BCL2: variants seen among roughly 807,000 people sequenced by gnomAD.
The protein encoded by BCL2 is apoptosis regulator Bcl-2.
A neutral mutation model predicts 14.2 loss-of-function variants in BCL2; 1 was observed. The ratio of observed to expected loss-of-function variants is 0.07; its 90% CI spans 0.02 to 0.33. The LOEUF is 0.33. Ranked by LOEUF, BCL2 falls within the 10% of genes least tolerant of loss-of-function variation. The probability of loss-of-function intolerance (pLI) is 0.99; values close to 1 mark genes in which losing one functional copy is unlikely to be tolerated. For synonymous variants in BCL2, 151 were observed against 137.2 expected (o/e 1.10, Z -0.70); for missense variants, 247 against 305.9 (o/e 0.81, Z 1.44).
At chr18:63,259,318 C>T (rs781529200) in intron 2 of BCL2, among the ~76,000 whole-genome samples, 5 of 152,344 alleles carry the variant, frequency 3.3e-5, no homozygotes, top group Admixed American at 2.6e-4. Context: ...AGCATGGCCC[C>T]GAGAGAAAAG....
chr18:63,196,859 C>T (rs565867141), intron 2 of BCL2, among the ~76,000 whole-genome samples: 2 of 152,258 alleles, frequency 1.3e-5, no homozygotes, highest in Non-Finnish European at 2.9e-5. Context: ...TTTTTCTCAG[C>T]TTGGATTTCC....
In BCL2 at chr18:63,126,114, T is replaced by C; in HGVS notation, c.*2511A>G. On this transcript the variant is annotated 3_prime_UTR_variant, in exon 3 of 3. Coordinates refer to ENST00000333681, the MANE Select transcript of BCL2 (RefSeq NM_000633.3). ...TAGCAGCACAGGATTGGATATTCCA[T>C]ATTCATCACTTTGACAATGTAAACC... The C allele has an allele frequency of 9.3e-6, 2 of 215,310 alleles. No homozygotes were observed. The highest frequency in any genetic ancestry group is 1.9e-5 in the Non-Finnish European group (2 of 106,462). The allele number at this position is 215,310 out of a possible 1,614,324, so 13.3% of individuals were successfully genotyped here. A position where few individuals can be genotyped will look rare whatever the true frequency, so the allele number is the denominator to read the frequency against.
chr18:63,296,703 G>A (rs911279138), intron 2 of BCL2, among the ~76,000 whole-genome samples: 2 of 152,144 alleles, frequency 1.3e-5, no homozygotes, highest in African/African-American at 4.8e-5. Flanking sequence ...GTATGGTGAG[G>A]CCTTCCCTGC....
chr18:63,252,631 A>C (rs1483583003), intron 2 of BCL2, among the ~76,000 whole-genome samples: 1 of 152,190 alleles, frequency 6.6e-6, no homozygotes, highest in Admixed American at 6.5e-5. Context: ...GCCACCATCC[A>C]TGTAAGATGT....
At position 63,129,951 on chromosome 18, in the gene BCL2, CA is replaced by C. The variant is rs368403387; in HGVS notation, c.586-1193del. Reference sequence around the variant, plus strand: ...TTGTGGATCTCACAAGGCAGGAGATCAGGGGTGTGTCACTGGATGTGCAGGT... The same window carrying C: ...TTGTGGATCTCACAAGGCAGGAGATCGGGGTGTGTCACTGGATGTGCAGGT... On this transcript the variant is annotated intron_variant, in intron 2 of 2. Transcript: ENST00000333681. Among the ~76,000 whole-genome samples, 593 of 152,312 alleles carry C rather than the reference CA, an allele frequency of 3.9e-3. 3 individuals are homozygous for C. The highest frequency in any genetic ancestry group is 0.013 in the African/African-American group (547 of 41,564).
At chr18:63,210,085 C>T (rs942569434) in intron 2 of BCL2, among the ~76,000 whole-genome samples, 4 of 152,148 alleles carry the variant, frequency 2.6e-5, no homozygotes, top group Non-Finnish European at 4.4e-5. Flanking sequence ...AGAAACCATC[C>T]AGCTTGAGGA....
At chr18:63,197,584 T>C (rs1909483214) in intron 2 of BCL2, among the ~76,000 whole-genome samples, 1 of 151,242 alleles carries the variant, frequency 6.6e-6, no homozygotes, top group African/African-American at 2.4e-5. Flanking sequence ...GACTCCCCCA[T>C]GTCCACGTCT....
chr18:63,293,463 T>C (rs1382214897), intron 2 of BCL2, among the ~76,000 whole-genome samples: 3 of 152,230 alleles, frequency 2.0e-5, no homozygotes, highest in Non-Finnish European at 2.9e-5. Context: ...AACAGTTCTC[T>C]ATGAGATATC....
intron 2 of BCL2, among the ~76,000 whole-genome samples, chr18:63,278,234 T>A (rs1912212810): frequency 6.6e-6 from 1 of 152,134 alleles, no homozygotes; most frequent in African/African-American, 2.4e-5. Flanking sequence ...ATAAACTTAC[T>A]CTAAAAGTCA....
At chr18:63,177,617 C>A (rs1009761648) in intron 2 of BCL2, among the ~76,000 whole-genome samples, 3 of 152,240 alleles carry the variant, frequency 2.0e-5, no homozygotes, top group Admixed American at 6.5e-5. Context: ...CTGGCTACTT[C>A]TCCAGCGTGG....
chr18:63,181,327 T>A (rs1236587234), intron 2 of BCL2, among the ~76,000 whole-genome samples: 1 of 152,052 alleles, frequency 6.6e-6, no homozygotes, highest in Non-Finnish European at 1.5e-5. Context: ...CTGAAATCAT[T>A]AGAAAGAGCA....
In BCL2 at chr18:63,125,602, C is replaced by T; in HGVS notation, c.*3023G>A. On this transcript the variant is annotated 3_prime_UTR_variant, in exon 3 of 3. Coordinates refer to ENST00000333681, the MANE Select transcript of BCL2 (RefSeq NM_000633.3). ...TCATTCATAAAGAGCAGTTAAGATG[C>T]AGATGTGAATCCCTCTTCAATACAA... is the stretch of plus-strand genomic sequence containing the variant. 1 of 212,954 alleles carries T rather than the reference C, an allele frequency of 4.7e-6. No individual in the cohort carries two copies. The allele number at this position is 212,954 out of a possible 1,614,324, so 13.2% of individuals were successfully genotyped here.
chr18:63,161,175 C>T (rs1014299839), intron 2 of BCL2, among the ~76,000 whole-genome samples: 1 of 152,182 alleles, frequency 6.6e-6, no homozygotes, highest in Non-Finnish European at 1.5e-5. Context: ...CACACCCTCT[C>T]GTAAGTATTA....
Position 63,318,572 on chromosome 18 carries a change from G to T in BCL2, c.95C>A (p.Ala32Glu). The T allele has an allele frequency of 1.3e-6, 2 of 1,599,436 alleles. No individual in the cohort carries two copies. Among genetic ancestry groups the T allele is most frequent in the Non-Finnish European group, 8.5e-7 (1 of 1,174,076 alleles). Residue 32 changes from alanine to glutamate, a missense_variant, in exon 2 of 3, where the codon GCG becomes GAG. Ala to Glu is a moderately radical substitution (Grantham distance 107). Around this residue, in one of 3 missense-constraint regions of BCL2, gnomAD observed 144 missense variants for 135.3 expected, o/e 1.06. Coordinates refer to ENST00000333681, the MANE Select transcript of BCL2 (RefSeq NM_000633.3). This position sits in a 1 kb window ranked among gnomAD's most constrained non-coding sequence, Gnocchi z 7.4. ...CGGGGGCGCGGCGCCCACATCTCCC[G>T]CATCCCACTCGTAGCCCCTCTGCGA... ...KLSQRGYEWD[A>E]GDVGAAPPGA...
At chr18:63,319,089 T>C in intron 1 of BCL2, 85 bp downstream of exon 1, 1 of 1,055,742 alleles carries the variant, frequency 9.5e-7, no homozygotes, top group East Asian at 4.9e-5. Context: ...GGAAATTAAA[T>C]TTACTCGAAT....
chr18:63,267,157 G>A (rs1352271710), intron 2 of BCL2, among the ~76,000 whole-genome samples: 1 of 152,218 alleles, frequency 6.6e-6, no homozygotes, highest in Non-Finnish European at 1.5e-5. Context: ...GGAAGTGAGA[G>A]CGTGGATCAG....
intron 2 of BCL2, among the ~76,000 whole-genome samples, chr18:63,304,200 T>C (rs1256574620): frequency 6.6e-6 from 1 of 152,238 alleles, no homozygotes; most frequent in Non-Finnish European, 1.5e-5. Context: ...TTCCTCACAA[T>C]GTGGGATTCA....
At chr18:63,194,657 C>CA (rs1386442939) in intron 2 of BCL2, among the ~76,000 whole-genome samples, 4 of 152,128 alleles carry the variant, frequency 2.6e-5, no homozygotes, top group Non-Finnish European at 5.9e-5. Context: ...TTATGAACTA[C>CA]AAAAAAATCA....
At chr18:63,176,072 T>C (rs1915341715) in intron 2 of BCL2, among the ~76,000 whole-genome samples, 1 of 152,224 alleles carries the variant, frequency 6.6e-6, no homozygotes, top group African/African-American at 2.4e-5. Context: ...CGTGGTTTGG[T>C]TGCCTGCTTC....
Sources: allele counts gnomAD v4.1 joint callset (sites outside exome capture counted in the v4.1 genomes callset), GRCh38; gene constraint gnomAD v4.1.1; regional missense constraint gnomAD v4.1.1; non-coding constraint Gnocchi (gnomAD v3.1); transcripts MANE v1.5; gene names NCBI Gene and HGNC (gene_info 2026-07-23, HGNC 2026-07-21).